Variants in HMCN2 observed in about 807,000 individuals in gnomAD.
The protein encoded by HMCN2 is hemicentin-2.
Under a neutral mutation model 377.5 loss-of-function variants are expected in HMCN2, and 325 were observed. The ratio of observed to expected loss-of-function variants is 0.86; its 90% confidence interval spans 0.79 to 0.94. The LOEUF (loss-of-function observed/expected upper bound fraction) is 0.94, where lower values mean the gene tolerates loss of function less well. Among genes scored for constraint, HMCN2 ranks in the 40% least tolerant of loss-of-function variants. The pLI is 0.00. For missense variants in HMCN2, 4,543 were observed against 4,725.3 expected (o/e 0.96, Z 1.13); for synonymous variants, 2,007 against 2,046.8 (o/e 0.98, Z 0.53).
At chr9:130,420,504 A>G (rs1233968054) in intron 86 of HMCN2, among the ~76,000 whole-genome samples, 1 of 152,148 alleles carries the variant, frequency 6.6e-6, no homozygotes, top group Non-Finnish European at 1.5e-5. Context: ...ACAAAACACC[A>G]CAAGCTGGAG....
intron 52 of HMCN2, among the ~76,000 whole-genome samples, chr9:130,377,330 A>G: frequency 6.6e-6 from 1 of 151,554 alleles, no homozygotes; most frequent in East Asian, 1.9e-4. Context: ...GGCCAGGCCG[A>G]TCTCAAACTC....
intron 16 of HMCN2, 147 bp from the exon 17 acceptor site, chr9:130,320,209 T>A (rs1399843962): frequency 2.0e-5 from 3 of 152,466 alleles, no homozygotes; most frequent in African/African-American, 7.2e-5. Context: ...ACCCCTTCCC[T>A]CTCTACCATC....
Position 130,394,639 on chromosome 9 carries a change from C to T in HMCN2, c.10692+64C>T. On this transcript the variant is annotated intron_variant, in intron 69 of 97. Transcript: ENST00000683500. The surrounding 1 kb of genome is among the most constrained non-coding windows in gnomAD (Gnocchi z 5.1). Reference sequence around the variant, plus strand: ...GGGGAGAGGGGAGGGACTGCAGGTTCCCCAGACCCAGTGGGCAGTTGACAA... The same window carrying T: ...GGGGAGAGGGGAGGGACTGCAGGTTTCCCAGACCCAGTGGGCAGTTGACAA... 1 of 1,185,140 alleles carries T rather than the reference C, an allele frequency of 8.4e-7. No homozygotes were observed. The highest frequency in any genetic ancestry group is 1.6e-5 in the African/African-American group (1 of 63,392). 73.4% of individuals were successfully genotyped at this position (1,185,140 alleles called of 1,614,324 possible). A position where few individuals can be genotyped will look rare whatever the true frequency, so the allele number is the denominator to read the frequency against.
intron 1 of HMCN2, among the ~76,000 whole-genome samples, chr9:130,267,969 G>A (rs1392708160): frequency 6.6e-6 from 1 of 152,220 alleles, no homozygotes; most frequent in African/African-American, 2.4e-5. Context: ...CTTAGAGATC[G>A]TTGAATCTAC....
intron 15 of HMCN2, among the ~76,000 whole-genome samples, chr9:130,315,103 G>A (rs1837461472): frequency 6.6e-6 from 1 of 151,148 alleles, no homozygotes; most frequent in South Asian, 2.1e-4. Context: ...CCTCCTGCAG[G>A]GGGTCAGCAG....
At position 130,424,931 on chromosome 9, in the gene HMCN2, C is replaced by G. The variant is rs1417484196; in HGVS notation, c.13519+18C>G. 27 of 1,464,824 alleles carry G rather than the reference C, an allele frequency of 1.8e-5. No homozygotes were observed. The highest frequency in any genetic ancestry group is 2.5e-5 in the East Asian group (1 of 39,420). The allele number at this position is 1,464,824 out of a possible 1,614,324, so 90.7% of individuals were successfully genotyped here. On this transcript the variant is annotated intron_variant, in intron 88 of 97. Transcript: ENST00000683500. ...TGCTACAGGTAAACAGGGCCTCCCC[C>G]AGGTGGGCCAGGTAGGACTAAAGCC...
chr9:130,392,155 T>C, intron 66 of HMCN2, 37 bp downstream of exon 66: 1 of 987,014 alleles, frequency 1.0e-6, no homozygotes, highest in Non-Finnish European at 1.2e-6. Context: ...GCTATTCCAC[T>C]CAGAGTGGAC....
intron 19 of HMCN2, among the ~76,000 whole-genome samples, chr9:130,324,266 T>TA (rs1838006441): frequency 6.6e-6 from 1 of 152,204 alleles, no homozygotes; most frequent in Non-Finnish European, 1.5e-5. Flanking sequence ...AGTGGAATCT[T>TA]ACAGTATTTG....
chr9:130,309,312 G>A (rs941108901), intron 14 of HMCN2, among the ~76,000 whole-genome samples: 1 of 151,744 alleles, frequency 6.6e-6, no homozygotes, highest in African/African-American at 2.4e-5. Context: ...TCAGGAGGTC[G>A]AGACCAGCCT....
At chr9:130,284,332 C>CAGAGGGG (rs1835299807) in intron 1 of HMCN2, among the ~76,000 whole-genome samples, 19 of 152,114 alleles carry the variant, frequency 1.2e-4, no homozygotes, top group Admixed American at 1.2e-3. Context: ...AGCTGCTGTC[C>CAGAGGGG]GGAGGGAGGA....
chr9:130,409,052 C>T, intron 84 of HMCN2, 119 bp downstream of exon 84: 1 of 575,000 alleles, frequency 1.7e-6, no homozygotes, highest in Non-Finnish European at 2.6e-6. Flanking sequence ...AAAGCACCTC[C>T]CTGCCCATTC....
chr9:130,344,415 T>A (rs1839229755), intron 25 of HMCN2, among the ~76,000 whole-genome samples: 1 of 150,754 alleles, frequency 6.6e-6, no homozygotes, highest in Non-Finnish European at 1.5e-5. Context: ...GGTGTGTGCA[T>A]GTATGTGTTC....
chr9:130,381,127 T>C (rs754634772), intron 54 of HMCN2, among the ~76,000 whole-genome samples: 5 of 152,170 alleles, frequency 3.3e-5, no homozygotes, highest in Non-Finnish European at 5.9e-5. Context: ...ATAGGCGTCA[T>C]GGTCACGGCT....
chr9:130,282,351 G>A (rs868955048), intron 1 of HMCN2, among the ~76,000 whole-genome samples: 7 of 152,204 alleles, frequency 4.6e-5, no homozygotes, highest in East Asian at 1.9e-4. Context: ...TACATGTCTC[G>A]TTCTACAGAT....
At chr9:130,364,009 GAA>G (rs1337275867) in intron 40 of HMCN2, among the ~76,000 whole-genome samples, 1 of 152,054 alleles carries the variant, frequency 6.6e-6, no homozygotes, top group South Asian at 2.1e-4. Flanking sequence ...AGGAAAGAAA[GAA>G]AAAGAAAGAA....
rs1249172947 is a variant in HMCN2, at chr9:130,408,883, CA to C, written c.12830del (p.His4277ProfsTer11). 6 of 1,289,640 alleles carry C rather than the reference CA, an allele frequency of 4.7e-6. No individual in the cohort carries two copies. The highest frequency in any genetic ancestry group is 5.1e-6 in the Non-Finnish European group (5 of 988,872). The allele number at this position is 1,289,640 out of a possible 1,614,324, so 79.9% of individuals were successfully genotyped here. A position where few individuals can be genotyped will look rare whatever the true frequency, so the allele number is the denominator to read the frequency against. On this transcript the variant is annotated frameshift_variant, in exon 84 of 98. Transcript: ENST00000683500. LOFTEE classifies it high-confidence loss of function. ...AGATGGCCTTCCACTGCGGGGCAGC[CA>C]CCTCCGGCACCAGCTGCAGAATGGC... is the stretch of plus-strand genomic sequence containing the variant. Reference protein sequence around the residue: ...IKDGLPLRGSHLRHQLQNGSL... With the variant: ...IKDGLPLRGSXLRHQLQNGSL...
chr9:130,305,066 A>C, intron 11 of HMCN2, 64 bp downstream of exon 11: 1 of 435,990 alleles, frequency 2.3e-6, no homozygotes. Flanking sequence ...TTACCCCAGA[A>C]GCCGCGAGTC....
intron 84 of HMCN2, among the ~76,000 whole-genome samples, chr9:130,410,167 A>G (rs549526381): frequency 7.9e-5 from 12 of 152,322 alleles, no homozygotes; most frequent in African/African-American, 2.6e-4. Flanking sequence ...AAGTACCATA[A>G]CATGTTGTCA....
At chr9:130,419,366 G>A (rs1373054309) in intron 86 of HMCN2, 9 of 221,618 alleles carry the variant, frequency 4.1e-5, no homozygotes, top group South Asian at 1.8e-4. Context: ...CGGTGCCCTC[G>A]GGGGCTGCTG....
Sources: allele counts gnomAD v4.1 joint callset (sites outside exome capture counted in the v4.1 genomes callset), GRCh38; gene constraint gnomAD v4.1.1; non-coding constraint Gnocchi (gnomAD v3.1); transcripts MANE v1.5; gene names NCBI Gene and HGNC (gene_info 2026-07-23, HGNC 2026-07-21).